NUDT3: variants seen among roughly 807,000 people sequenced by gnomAD.
NUDT3 encodes nudix hydrolase 3.
In NUDT3, 9 loss-of-function variants were observed where a neutral mutation model predicts 23.6. The observed-to-expected ratio is 0.38, with a 90% CI of 0.23 to 0.66. NUDT3 has a LOEUF of 0.66. NUDT3 is among the 30% of genes least tolerant of loss of function. The probability of loss-of-function intolerance (pLI) is 0.52; values close to 1 mark genes in which losing one functional copy is unlikely to be tolerated. For synonymous variants in NUDT3, 86 were observed against 82.6 expected (o/e 1.04, Z -0.22); for missense variants, 172 against 218.5 (o/e 0.79, Z 1.34).
At chr6:34,358,284 C>T (rs975285236) in intron 1 of NUDT3, among the ~76,000 whole-genome samples, 1 of 151,966 alleles carries the variant, frequency 6.6e-6, no homozygotes, top group African/African-American at 2.4e-5. Context: ...CACACACACA[C>T]ACACACACCC....
chr6:34,349,053 G>A (rs1764427613), intron 1 of NUDT3, among the ~76,000 whole-genome samples: 1 of 151,948 alleles, frequency 6.6e-6, no homozygotes, highest in Non-Finnish European at 1.5e-5. Flanking sequence ...TAACCACCAA[G>A]CCTGGTTAAT....
chr6:34,345,738 A>T, intron 1 of NUDT3, among the ~76,000 whole-genome samples: 1 of 151,058 alleles, frequency 6.6e-6, no homozygotes, highest in Non-Finnish European at 1.5e-5. Context: ...TCAATGGAGT[A>T]ACCTTCCAGA....
rs1019635702 is a variant in NUDT3, at chr6:34,283,859, T to C, written c.*4894A>G. 3 of 152,194 alleles carry C rather than the reference T, an allele frequency of 2.0e-5. No homozygotes were observed. The highest frequency in any genetic ancestry group is 3.8e-4 in the East Asian group (2 of 5,198). The allele number at this position is 152,194 out of a possible 1,614,324, so 9.4% of individuals were successfully genotyped here. ...TTTTTTTATACCTTAAAATATCAAATGTTTCATTTTTAGGTGATATCCCAA... is the reference window on the plus strand; with the variant it reads ...TTTTTTTATACCTTAAAATATCAAACGTTTCATTTTTAGGTGATATCCCAA... On this transcript the variant is annotated 3_prime_UTR_variant, in exon 5 of 5. Transcript: ENST00000607016.
intron 1 of NUDT3, among the ~76,000 whole-genome samples, chr6:34,390,875 C>A (rs1765187220): frequency 6.6e-6 from 1 of 152,084 alleles, no homozygotes; most frequent in African/African-American, 2.4e-5. Context: ...TAAGCACCAC[C>A]AATAATTTTA....
chr6:34,375,635 T>C (rs1008442015), intron 1 of NUDT3, among the ~76,000 whole-genome samples: 4 of 152,328 alleles, frequency 2.6e-5, no homozygotes, highest in Non-Finnish European at 5.9e-5. Context: ...CTTCTCAGAA[T>C]AGATCCATCT....
At chr6:34,380,015 AT>A (rs1473741737) in intron 1 of NUDT3, among the ~76,000 whole-genome samples, 1 of 152,042 alleles carries the variant, frequency 6.6e-6, no homozygotes, top group African/African-American at 2.4e-5. Context: ...AAAAAAAAAA[AT>A]AGTAAATACA....
intron 1 of NUDT3, among the ~76,000 whole-genome samples, chr6:34,384,877 A>C (rs1479425255): frequency 1.3e-5 from 2 of 152,008 alleles, no homozygotes; most frequent in South Asian, 2.1e-4. Context: ...ACACACACAC[A>C]AAATAGCTGG....
intron 1 of NUDT3, among the ~76,000 whole-genome samples, chr6:34,390,318 G>C (rs902073371): frequency 1.8e-4 from 27 of 150,950 alleles, no homozygotes; most frequent in Admixed American, 6.6e-4. Flanking sequence ...AAAAAAGTAA[G>C]CTCCTAGAAG....
chr6:34,353,007 T>C (rs1241134845), intron 1 of NUDT3, among the ~76,000 whole-genome samples: 1 of 152,210 alleles, frequency 6.6e-6, no homozygotes, highest in African/African-American at 2.4e-5. Flanking sequence ...TTTTTAATAG[T>C]ACATAATGTA....
At chr6:34,309,887 G>A (rs914400457) in intron 2 of NUDT3, among the ~76,000 whole-genome samples, 4 of 152,040 alleles carry the variant, frequency 2.6e-5, no homozygotes, top group African/African-American at 9.7e-5. Flanking sequence ...CAAAACTCAC[G>A]TAAGAAAAAA....
chr6:34,331,737 G>T (rs773270380), intron 2 of NUDT3, among the ~76,000 whole-genome samples: 2 of 152,180 alleles, frequency 1.3e-5, no homozygotes, highest in Non-Finnish European at 2.9e-5. Context: ...TTTAAAAATT[G>T]TATCTGTACT....
Position 34,392,278 on chromosome 6 carries a change from C to G in NUDT3, c.85G>C (p.Glu29Gln). ...KRAACLCFRSESEEEVLLVSS... is the reference protein window; with the variant it reads ...KRAACLCFRSQSEEEVLLVSS... ...TGCCGCCTCACCTCCTCCTCGCTCT[C>G]GCTGCGGAAACACAGGCATGCGGCC... Residue 29 changes from glutamate to glutamine, a missense_variant, in exon 1 of 5, where the codon GAG becomes CAG. By Grantham distance (29) the Glu-to-Gln change is conservative (BLOSUM62 2). This residue lies in a region of NUDT3 where 50 missense variants were observed against 46.2 expected (regional missense o/e 1.08). Transcript: ENST00000607016. 6.2e-7 allele frequency: 1 copy of G among 1,601,098 alleles called. No individual in the cohort carries two copies. The highest frequency in any genetic ancestry group is 2.3e-5 in the East Asian group (1 of 43,916).
At chr6:34,322,837 G>C (rs1286293586) in intron 2 of NUDT3, among the ~76,000 whole-genome samples, 1 of 152,188 alleles carries the variant, frequency 6.6e-6, no homozygotes, top group Non-Finnish European at 1.5e-5. Flanking sequence ...CAATAGCAAA[G>C]AGGTGGAATC....
intron 1 of NUDT3, among the ~76,000 whole-genome samples, chr6:34,389,879 G>A (rs892092673): frequency 6.6e-6 from 1 of 151,946 alleles, no homozygotes; most frequent in East Asian, 1.9e-4. Context: ...CAGGAGAATG[G>A]CGTGAATCCG....
At chr6:34,300,173 C>T (rs1763578661) in intron 2 of NUDT3, among the ~76,000 whole-genome samples, 2 of 152,112 alleles carry the variant, frequency 1.3e-5, no homozygotes, top group South Asian at 2.1e-4. Flanking sequence ...TGTGTATGTA[C>T]AAAAGCTTAG....
Position 34,346,798 on chromosome 6 carries a change from C to T in NUDT3, c.100-4826G>A, listed in dbSNP as rs539219221. On this transcript the variant is annotated intron_variant, in intron 1 of 4. Transcript: ENST00000607016. ...AGAGACAGGGTCTCATTCTGTTGCC[C>T]AGGCTGAAGCGCCGTGGCAGGATCA... Among the ~76,000 whole-genome samples the T allele has an allele frequency of 3.3e-3, 502 of 152,268 alleles. 2 individuals carry two copies. The highest frequency in any genetic ancestry group is 7.3e-3 in the African/African-American group (304 of 41,540).
chr6:34,310,783 A>G (rs905839065), intron 2 of NUDT3, among the ~76,000 whole-genome samples: 5 of 152,186 alleles, frequency 3.3e-5, no homozygotes, highest in African/African-American at 1.2e-4. Flanking sequence ...AAATCCAACA[A>G]TGTGTAAAAA....
chr6:34,349,271 T>G (rs1291148081), intron 1 of NUDT3, among the ~76,000 whole-genome samples: 2 of 151,910 alleles, frequency 1.3e-5, no homozygotes, highest in East Asian at 3.9e-4. Flanking sequence ...ATTAAGACAG[T>G]AGGAGGCAGA....
chr6:34,389,265 C>G (rs1291748336), intron 1 of NUDT3, among the ~76,000 whole-genome samples: 1 of 152,156 alleles, frequency 6.6e-6, no homozygotes, highest in Non-Finnish European at 1.5e-5. Context: ...CTCACGAAAT[C>G]CAATGGTTTT....
Sources: allele counts gnomAD v4.1 joint callset (sites outside exome capture counted in the v4.1 genomes callset), GRCh38; gene constraint gnomAD v4.1.1; regional missense constraint gnomAD v4.1.1; transcripts MANE v1.5; gene names NCBI Gene and HGNC (gene_info 2026-07-23, HGNC 2026-07-21).